SPAG9: variants seen among roughly 807,000 people sequenced by gnomAD.
SPAG9 encodes C-Jun-amino-terminal kinase-interacting protein 4.
A neutral mutation model predicts 166.5 loss-of-function variants in SPAG9; 35 were observed. The ratio of observed to expected loss-of-function variants is 0.21; its 90% CI spans 0.16 to 0.28. The LOEUF (loss-of-function observed/expected upper bound fraction) is 0.28, where lower values mean the gene tolerates loss of function less well. SPAG9 is among the 10% of genes least tolerant of loss of function. The pLI is 1.00. For synonymous variants in SPAG9, 534 were observed against 565.5 expected (o/e 0.94, Z 0.79); for missense variants, 1,235 against 1,603.3 (o/e 0.77, Z 3.92).
Position 50,993,919 on chromosome 17 carries a change from A to G in SPAG9, c.2243T>C (p.Leu748Ser), listed in dbSNP as rs766499826. The change falls in exon 19 of 30, where the codon TTA (leucine) becomes TCA (serine). Residue 748 changes from leucine to serine, a missense_variant. Leu to Ser is a moderately radical substitution (Grantham distance 145, BLOSUM62 -2). Transcript: ENST00000262013. The part of the protein sequence containing the change: ...DQELKEQQKE[L>S]KNQEELSSLV... ...ACTGGATAATTCTTCTTGATTTTTT[A>G]ACTCCTTCTGCTGTTCCTGTATAGG... 1 of 1,614,060 alleles carries G rather than the reference A, an allele frequency of 6.2e-7. No individual in the cohort carries two copies. Among genetic ancestry groups the G allele is most frequent in the Non-Finnish European group, 8.5e-7 (1 of 1,179,968 alleles).
At chr17:51,095,945 TTATATATATAGTGATA>T (rs1158223698) in intron 1 of SPAG9, among the ~76,000 whole-genome samples, 6 of 110,096 alleles carry the variant, frequency 5.4e-5, no homozygotes, top group South Asian at 2.7e-4. Context: ...AGTGATATAG[TTATATATATAGTGATA>T]TATATATATA....
rs1285310252 is a variant in SPAG9, at chr17:50,963,993, T to C, written c.*2279A>G. ...TAATACATGAGTGGCTACAATTTTA[T>C]TGTGTACACAATGTGCTTATAGTCA... On this transcript the variant is annotated 3_prime_UTR_variant, in exon 30 of 30. Transcript: ENST00000262013. The C allele has an allele frequency of 6.6e-6, 1 of 152,204 alleles. No individual in the cohort carries two copies. Among genetic ancestry groups the C allele is most frequent in the Non-Finnish European group, 1.5e-5 (1 of 68,046 alleles). 9.4% of individuals were successfully genotyped at this position (152,204 alleles called of 1,614,324 possible). A position where few individuals can be genotyped will look rare whatever the true frequency, so the allele number is the denominator to read the frequency against.
At chr17:51,026,210 T>C (rs1048714944) in intron 6 of SPAG9, among the ~76,000 whole-genome samples, 10 of 151,688 alleles carry the variant, frequency 6.6e-5, no homozygotes, top group Non-Finnish European at 1.3e-4. Context: ...AATTTAAAAG[T>C]TCACAACATA....
intron 6 of SPAG9, among the ~76,000 whole-genome samples, chr17:51,024,691 CA>C (rs1432237056): frequency 7.4e-6 from 1 of 134,934 alleles, no homozygotes; most frequent in Non-Finnish European, 1.6e-5. Context: ...CCAGTCTGGG[CA>C]AAAAGAGCAA....
chr17:50,998,252 G>A (rs997420014), intron 15 of SPAG9, among the ~76,000 whole-genome samples, 192 bp downstream of exon 15: 7 of 151,746 alleles, frequency 4.6e-5, no homozygotes, highest in African/African-American at 1.2e-4. Context: ...GACTGGTCTC[G>A]AACTCCTGAC....
At chr17:51,119,212 G>A (rs922634613) in intron 1 of SPAG9, among the ~76,000 whole-genome samples, 2 of 152,040 alleles carry the variant, frequency 1.3e-5, no homozygotes, top group Non-Finnish European at 2.9e-5. Context: ...AAAATTTAAT[G>A]GTGTTACTAT....
intron 2 of SPAG9, among the ~76,000 whole-genome samples, chr17:51,074,656 A>G (rs1335485838): frequency 6.6e-6 from 1 of 152,218 alleles, no homozygotes; most frequent in African/African-American, 2.4e-5. Flanking sequence ...TACTTGATGA[A>G]GAATTTCTTC....
chr17:50,974,700 G>T, intron 28 of SPAG9, 71 bp downstream of exon 28: 1 of 1,346,132 alleles, frequency 7.4e-7, no homozygotes, highest in Non-Finnish European at 1.0e-6. Flanking sequence ...TAGACTATTA[G>T]GTAGTGGAAC....
In SPAG9 at chr17:51,047,443, T is replaced by C; in HGVS notation, c.522A>G (p.Leu174=). 6.3e-7 allele frequency: 1 copy of C among 1,578,074 alleles called. No individual in the cohort carries two copies. The highest frequency in any genetic ancestry group is 1.1e-5 in the South Asian group (1 of 88,414). Residue 174 remains leucine, a synonymous_variant, in exon 4 of 30, where the codon TTA becomes TTG. Coordinates refer to ENST00000262013, the MANE Select transcript of SPAG9 (RefSeq NM_001130528.3). ...TEMIHNYMEH[L]ERTKLHQLSG... Reference sequence around the variant, plus strand: ...AGAGCTGATGAAGTTTTGTTCTTTCTAAATGTTCCATATAATTATGGATCA... The same window carrying C: ...AGAGCTGATGAAGTTTTGTTCTTTCCAAATGTTCCATATAATTATGGATCA...
At chr17:51,031,659 T>C (rs1396542541) in intron 6 of SPAG9, 22 bp downstream of exon 6, 1 of 1,545,064 alleles carries the variant, frequency 6.5e-7, no homozygotes, top group African/African-American at 1.4e-5. Context: ...TTTTGCAAAA[T>C]GTTAAGAAGC....
intron 3 of SPAG9, among the ~76,000 whole-genome samples, chr17:51,051,532 C>T (rs1222399275): frequency 6.6e-6 from 1 of 152,160 alleles, no homozygotes; most frequent in Non-Finnish European, 1.5e-5. Context: ...CCAGCCTGGA[C>T]AACATGGTGA....
At chr17:50,996,505 C>A (rs998450640) in intron 16 of SPAG9, 60 bp downstream of exon 16, 14 of 1,598,210 alleles carry the variant, frequency 8.8e-6, no homozygotes, top group Non-Finnish European at 1.2e-5. Context: ...TTCATGCCCA[C>A]GCACACTCAA....
At chr17:51,020,860 T>A (rs1303789695) in intron 7 of SPAG9, among the ~76,000 whole-genome samples, 4 of 152,178 alleles carry the variant, frequency 2.6e-5, no homozygotes, top group Non-Finnish European at 5.9e-5. Context: ...TTAAATCATC[T>A]CTAGATTACT....
At chr17:51,077,013 G>GCTATCTATCTAT (rs1491314541) in intron 2 of SPAG9, among the ~76,000 whole-genome samples, 13 of 62,900 alleles carry the variant, frequency 2.1e-4, no homozygotes, top group African/African-American at 3.8e-4. Context: ...TAGCTAGCTA[G>GCTATCTATCTAT]CTAGCTATCT....
intron 6 of SPAG9, among the ~76,000 whole-genome samples, chr17:51,023,908 T>C (rs2046047624): frequency 6.6e-6 from 1 of 152,198 alleles, no homozygotes; most frequent in Non-Finnish European, 1.5e-5. Context: ...TCAAGCGATC[T>C]GCTGGCCTCA....
intron 3 of SPAG9, among the ~76,000 whole-genome samples, chr17:51,053,854 A>AATATATATATATAT (rs1491529465): frequency 8.7e-5 from 3 of 34,452 alleles, no homozygotes; most frequent in Non-Finnish European, 1.4e-4. Context: ...AAAAAAAAAA[A>AATATATATATATAT]GTATATATAT....
intron 2 of SPAG9, among the ~76,000 whole-genome samples, chr17:51,078,036 C>T (rs1844256556): frequency 6.6e-6 from 1 of 152,060 alleles, no homozygotes; most frequent in Non-Finnish European, 1.5e-5. Flanking sequence ...CTCAAGCAAT[C>T]CTCCCACCTT....
chr17:51,037,185 C>T (rs974973510), intron 5 of SPAG9, among the ~76,000 whole-genome samples: 8 of 152,166 alleles, frequency 5.3e-5, no homozygotes, highest in Admixed American at 2.6e-4. Flanking sequence ...TCACTATAGC[C>T]TCAGCCTCCC....
intron 4 of SPAG9, among the ~76,000 whole-genome samples, chr17:51,045,200 C>T (rs941923066): frequency 3.9e-5 from 6 of 152,190 alleles, no homozygotes; most frequent in Admixed American, 3.9e-4. Flanking sequence ...GTTGTACCCA[C>T]TTGCAGGCGC....
Sources: gnomAD v4.1 joint callset for allele counts (sites outside exome capture counted in the v4.1 genomes callset) on GRCh38, gnomAD v4.1.1 for gene constraint, MANE v1.5 for transcripts, NCBI Gene and HGNC (gene_info 2026-07-23, HGNC 2026-07-21) for gene names.